CSMD3: variants seen among roughly 807,000 people sequenced by gnomAD.
CSMD3 encodes the protein CUB and Sushi multiple domains 3, also known as CUB and sushi domain-containing protein 3.
In CSMD3, 177 loss-of-function variants were observed where a neutral mutation model predicts 435.2. The observed-to-expected ratio is 0.41, with a 90% confidence interval of 0.36 to 0.46. The LOEUF (loss-of-function observed/expected upper bound fraction) is 0.46, where lower values mean the gene tolerates loss of function less well. CSMD3 is among the 20% of genes least tolerant of loss of function. CSMD3 has a pLI of 0.34. For missense variants in CSMD3, 4,265 were observed against 4,504.6 expected, an observed-to-expected ratio of 0.95 and a Z score of 1.52; for synonymous variants, 1,656 against 1,520.5, an observed-to-expected ratio of 1.09 and a Z score of -2.07.
chr8:112,310,605 C>T (rs1586732964), intron 50 of CSMD3: 1 of 277,334 alleles, frequency 3.6e-6, no homozygotes, highest in East Asian at 8.6e-5. Context: ...GAAACTCAGT[C>T]TTCAGTGTAC....
intron 10 of CSMD3, among the ~76,000 whole-genome samples, chr8:112,895,556 A>T (rs2081926609): frequency 2.0e-5 from 3 of 151,460 alleles, no homozygotes; most frequent in Non-Finnish European, 4.4e-5. Context: ...GAATAGGTGG[A>T]TGTAAGATGG....
chr8:113,419,264 C>T (rs2094598253), intron 1 of CSMD3, among the ~76,000 whole-genome samples: 1 of 151,626 alleles, frequency 6.6e-6, no homozygotes, highest in South Asian at 2.1e-4. Flanking sequence ...ATTACAGGCA[C>T]TCACCACCAC....
At chr8:113,183,032 G>A (rs1434481245) in intron 3 of CSMD3, among the ~76,000 whole-genome samples, 1 of 151,974 alleles carries the variant, frequency 6.6e-6, no homozygotes, top group Non-Finnish European at 1.5e-5. Flanking sequence ...AAAGAGCATG[G>A]CCATGCATAG....
At chr8:112,361,728 T>C (rs1327710459) in intron 38 of CSMD3, among the ~76,000 whole-genome samples, 2 of 150,650 alleles carry the variant, frequency 1.3e-5, no homozygotes, top group Non-Finnish European at 3.0e-5. Context: ...AACATTGTTT[T>C]GTTAAAGGAA....
intron 24 of CSMD3, among the ~76,000 whole-genome samples, chr8:112,570,063 G>A (rs1367425042): frequency 6.6e-6 from 1 of 151,452 alleles, no homozygotes; most frequent in Admixed American, 6.6e-5. Flanking sequence ...GGTTAGAGTT[G>A]GCCTTAGGAA....
In CSMD3 at chr8:112,231,535, A is replaced by T; in HGVS notation, c.10828+10T>A. The T allele has an allele frequency of 6.6e-7, 1 of 1,519,438 alleles. No individual in the cohort carries two copies. Among genetic ancestry groups the T allele is most frequent in the Non-Finnish European group, 9.1e-7 (1 of 1,093,812 alleles). The allele number at this position is 1,519,438 out of a possible 1,614,324, so 94.1% of individuals were successfully genotyped here. On this transcript the variant is annotated intron_variant, in intron 69 of 70. Transcript: ENST00000297405. ...ACAGAAGTTCGTGAAAATCAAAATGAATACATTACCCAGTCTTTGTAGGCC... is the reference window on the plus strand; with the variant it reads ...ACAGAAGTTCGTGAAAATCAAAATGTATACATTACCCAGTCTTTGTAGGCC...
chr8:112,651,953 C>T (rs2131639721), intron 18 of CSMD3, among the ~76,000 whole-genome samples: 1 of 152,170 alleles, frequency 6.6e-6, no homozygotes, highest in Admixed American at 6.5e-5. Context: ...TTTCTCTTAC[C>T]CTATCCAAGG....
At chr8:112,572,639 C>A (rs1345423796) in intron 24 of CSMD3, among the ~76,000 whole-genome samples, 1 of 152,024 alleles carries the variant, frequency 6.6e-6, no homozygotes, top group African/African-American at 2.4e-5. Flanking sequence ...ATAAAGATTT[C>A]TGAGTATTGC....
At chr8:112,427,882 T>C (rs1339180173) in intron 32 of CSMD3, among the ~76,000 whole-genome samples, 3 of 152,182 alleles carry the variant, frequency 2.0e-5, no homozygotes, top group Non-Finnish European at 4.4e-5. Flanking sequence ...GTAAGTAAAG[T>C]TCCTGTGTAC....
intron 35 of CSMD3, among the ~76,000 whole-genome samples, chr8:112,395,575 C>A (rs1367627746): frequency 6.6e-6 from 1 of 151,968 alleles, no homozygotes; most frequent in Non-Finnish European, 1.5e-5. Context: ...AAAAACAGAA[C>A]CAGATAAGCA....
Position 112,390,689 on chromosome 8 carries a change from G to A in CSMD3, c.5909C>T (p.Thr1970Ile), listed in dbSNP as rs2129721510. Reference sequence around the variant, plus strand: ...TTGAATGCCAGCTCCCTCTGGCACTGTGATCTTCCACACACAATTCAGATT... The same window carrying A: ...TTGAATGCCAGCTCCCTCTGGCACTATGATCTTCCACACACAATTCAGATT... Reference protein sequence around the residue: ...DNNLNCVWKITVPEGAGIQVQ... With the variant: ...DNNLNCVWKIIVPEGAGIQVQ... Residue 1970 changes from threonine (T) to isoleucine (I), a missense_variant, in exon 36 of 71, where the codon ACA (threonine) becomes ATA (isoleucine). Thr to Ile is a moderately conservative substitution (Grantham distance 89). This residue lies in a region of CSMD3 where 3,255 missense variants were observed against 3,380.2 expected (regional missense o/e 0.96). Coordinates refer to ENST00000297405, the MANE Select transcript of CSMD3 (RefSeq NM_198123.2). The A allele has an allele frequency of 6.2e-7, 1 of 1,613,296 alleles. No individual in the cohort carries two copies.
intron 5 of CSMD3, among the ~76,000 whole-genome samples, chr8:113,030,287 C>T (rs541584995): frequency 6.7e-6 from 1 of 150,150 alleles, no homozygotes; most frequent in East Asian, 1.9e-4. Flanking sequence ...ATCTAAAATT[C>T]ATATGGAAGC....
intron 2 of CSMD3, among the ~76,000 whole-genome samples, chr8:113,294,476 C>T (rs1386984296): frequency 2.0e-5 from 3 of 152,066 alleles, no homozygotes; most frequent in Admixed American, 2.0e-4. Context: ...TGTCAGCAAA[C>T]GGAAAAGTCA....
chr8:112,452,454 A>G (rs764158054), intron 32 of CSMD3, among the ~76,000 whole-genome samples: 1 of 151,916 alleles, frequency 6.6e-6, no homozygotes, highest in East Asian at 1.9e-4. Flanking sequence ...AGAGTAGACA[A>G]AAATGAAACC....
At chr8:112,415,576 G>A (rs1266738172) in intron 32 of CSMD3, among the ~76,000 whole-genome samples, 2 of 152,144 alleles carry the variant, frequency 1.3e-5, no homozygotes, top group African/African-American at 2.4e-5. Context: ...TGAGAAGAGG[G>A]CCACCGTCCT....
intron 1 of CSMD3, among the ~76,000 whole-genome samples, chr8:113,384,793 C>A (rs2094432376): frequency 6.6e-6 from 1 of 152,136 alleles, no homozygotes; most frequent in South Asian, 2.1e-4. Context: ...CCTCCTTTTT[C>A]TTTCTGTCTG....
At chr8:112,927,166 A>G (rs112559578) in intron 9 of CSMD3, among the ~76,000 whole-genome samples, 1 of 152,094 alleles carries the variant, frequency 6.6e-6, no homozygotes, top group Admixed American at 6.6e-5. Context: ...GTAATTGCAC[A>G]TTAGAATATC....
At chr8:112,320,801 T>C (rs1452658654) in intron 45 of CSMD3, among the ~76,000 whole-genome samples, 2 of 152,094 alleles carry the variant, frequency 1.3e-5, no homozygotes, top group Non-Finnish European at 2.9e-5. Flanking sequence ...CAAGAAGCTA[T>C]AACGTGACAG....
intron 19 of CSMD3, among the ~76,000 whole-genome samples, chr8:112,648,433 T>C (rs1022517983): frequency 5.3e-5 from 8 of 152,144 alleles, no homozygotes; most frequent in African/African-American, 1.9e-4. Context: ...ATTTGATCTT[T>C]TAAAATAAAG....
Sources: gnomAD v4.1 joint callset for allele counts (sites outside exome capture counted in the v4.1 genomes callset) on GRCh38, gnomAD v4.1.1 for gene constraint, gnomAD v4.1.1 regional missense constraint, MANE v1.5 for transcripts, NCBI Gene and HGNC (gene_info 2026-07-23, HGNC 2026-07-21) for gene names.